The following SOX5 variants were observed in gnomAD, a reference collection of about 807,000 sequenced individuals.
SOX5 encodes the protein transcription factor SOX-5.
Under a neutral mutation model 92.0 loss-of-function variants are expected in SOX5, and 9 were observed. The observed-to-expected ratio is 0.10, with a 90% CI of 0.06 to 0.17. The LOEUF (loss-of-function observed/expected upper bound fraction) is 0.17, where lower values mean the gene tolerates loss of function less well. Ranked by LOEUF, SOX5 falls within the 10% of genes least tolerant of loss-of-function variation. The pLI is 1.00. For missense variants in SOX5, 642 were observed against 944.5 expected (o/e 0.68, Z 4.20); for synonymous variants, 344 against 336.3 (o/e 1.02, Z -0.25).
chr12:24,323,368 T>G (rs547853285), intron 2 of SOX5, among the ~76,000 whole-genome samples: 2 of 151,508 alleles, frequency 1.3e-5, no homozygotes, highest in East Asian at 3.9e-4. Context: ...TAATTAGTGA[T>G]AGACTAGTGT....
intron 3 of SOX5, among the ~76,000 whole-genome samples, chr12:23,756,697 A>C (rs1373314603): frequency 6.6e-6 from 1 of 151,928 alleles, no homozygotes; most frequent in East Asian, 1.9e-4. Flanking sequence ...CACACTTATT[A>C]TATAGATCAA....
rs1953528593 is a variant in SOX5 at position 24,554,279 on chromosome 12, A to T, written c.-251+8050T>A. ...GGATGAGCCAGCAACTATGGAAGGT[A>T]TAAACCTGCCACAATGGAGGATTAA... On this transcript the variant is annotated intron_variant, in intron 1 of 4. Coordinates refer to the SOX5 transcript ENST00000446891. Among the ~76,000 whole-genome samples, 4 of 152,228 alleles carry T rather than the reference A, an allele frequency of 2.6e-5. No homozygotes were observed. The South Asian group carries it at 8.3e-4, about 32-fold the overall frequency.
chr12:24,443,105 C>A (rs1481994567), intron 1 of SOX5, among the ~76,000 whole-genome samples: 2 of 152,002 alleles, frequency 1.3e-5, no homozygotes. Flanking sequence ...GCGCACACTG[C>A]AACATCTGGC....
At position 23,753,928 on chromosome 12, in the gene SOX5, A is replaced by T. The variant is rs116131736; in HGVS notation, c.568+1710T>A. 9.0e-3 allele frequency among the ~76,000 whole-genome samples: 1,367 copies of T among 151,946 alleles called. 21 individuals are homozygous for T. The highest frequency in any genetic ancestry group is 0.031 in the African/African-American group (1,274 of 41,496). On this transcript the variant is annotated intron_variant, in intron 4 of 14. Coordinates refer to ENST00000451604, the MANE Select transcript of SOX5 (RefSeq NM_006940.6). Reference sequence around the variant, plus strand: ...AGGTTTACTGCCAAACCTGAGTTGAACACCTAATAACCATGCCCTGAACAG... The same window carrying T: ...AGGTTTACTGCCAAACCTGAGTTGATCACCTAATAACCATGCCCTGAACAG...
At chr12:24,109,832 G>A (rs182572859) in intron 4 of SOX5, among the ~76,000 whole-genome samples, 12 of 152,108 alleles carry the variant, frequency 7.9e-5, no homozygotes, top group Non-Finnish European at 1.6e-4. Flanking sequence ...TCCACATTTG[G>A]AAACTAAGCC....
intron 1 of SOX5, among the ~76,000 whole-genome samples, chr12:24,397,040 T>C (rs1167191267): frequency 6.6e-6 from 1 of 152,226 alleles, no homozygotes; most frequent in East Asian, 1.9e-4. Flanking sequence ...GTTAGTACTT[T>C]GCCACCTTCC....
At chr12:23,673,916 T>C (rs1366770322) in intron 6 of SOX5, among the ~76,000 whole-genome samples, 1 of 152,036 alleles carries the variant, frequency 6.6e-6, no homozygotes, top group Non-Finnish European at 1.5e-5. Flanking sequence ...TTATGGCATC[T>C]GAATTACATC....
chr12:24,419,479 G>A (rs1272850056), intron 1 of SOX5, among the ~76,000 whole-genome samples: 3 of 152,126 alleles, frequency 2.0e-5, no homozygotes, highest in Admixed American at 6.6e-5. Context: ...TTAGTGAAAA[G>A]AGTTCCTGAG....
intron 4 of SOX5, among the ~76,000 whole-genome samples, chr12:23,993,467 T>C (rs559971798): frequency 6.6e-6 from 1 of 152,254 alleles, no homozygotes; most frequent in South Asian, 2.1e-4. Context: ...AAGTCAATGC[T>C]GTAAAAGGAG....
intron 2 of SOX5, among the ~76,000 whole-genome samples, chr12:24,289,613 C>T (rs1204367037): frequency 1.4e-5 from 2 of 143,792 alleles, no homozygotes; most frequent in Non-Finnish European, 3.0e-5. Context: ...GCCACTACGC[C>T]CGGCTAATTT....
intron 1 of SOX5, among the ~76,000 whole-genome samples, chr12:24,387,211 A>G (rs1958506617): frequency 6.6e-6 from 1 of 152,192 alleles, no homozygotes; most frequent in African/African-American, 2.4e-5. Context: ...CTCCATTAAC[A>G]TGGTCATTTG....
At chr12:24,525,698 C>A (rs1378602837) in intron 1 of SOX5, among the ~76,000 whole-genome samples, 1 of 151,866 alleles carries the variant, frequency 6.6e-6, no homozygotes, top group African/African-American at 2.4e-5. Context: ...AGTGAAACCC[C>A]GTCTCTACTA....
chr12:23,624,105 T>C (rs1027929251), intron 8 of SOX5, among the ~76,000 whole-genome samples: 2 of 152,156 alleles, frequency 1.3e-5, no homozygotes, highest in African/African-American at 2.4e-5. Flanking sequence ...AAATACTGTA[T>C]GATTAAGTAA....
At chr12:23,906,171 T>G (rs375875083) in intron 1 of SOX5, among the ~76,000 whole-genome samples, 1 of 152,212 alleles carries the variant, frequency 6.6e-6, no homozygotes, top group Admixed American at 6.5e-5. Flanking sequence ...CATTTGTCAT[T>G]AATCGCAAAC....
At chr12:24,468,799 T>C (rs1172327103) in intron 1 of SOX5, among the ~76,000 whole-genome samples, 1 of 152,184 alleles carries the variant, frequency 6.6e-6, no homozygotes, top group Non-Finnish European at 1.5e-5. Flanking sequence ...TCTAATGATG[T>C]TTTTTAAAAA....
intron 1 of SOX5, among the ~76,000 whole-genome samples, chr12:24,429,621 C>CACAT (rs940710442): frequency 6.7e-6 from 1 of 148,762 alleles, no homozygotes; most frequent in African/African-American, 2.5e-5. Flanking sequence ...TACACACACA[C>CACAT]ACATACACAC....
intron 1 of SOX5, among the ~76,000 whole-genome samples, chr12:24,402,688 T>G (rs7969065): frequency 0.17 from 26,013 of 152,074 alleles, 2,259 homozygotes; most frequent in East Asian, 0.2. Context: ...ATAACAGAGG[T>G]GTAGCAGTAT....
At chr12:23,691,200 G>A (rs542740034) in intron 6 of SOX5, among the ~76,000 whole-genome samples, 1 of 152,264 alleles carries the variant, frequency 6.6e-6, no homozygotes, top group Non-Finnish European at 1.5e-5. Flanking sequence ...ACTATGTGAG[G>A]GAGAATATGG....
intron 4 of SOX5, among the ~76,000 whole-genome samples, chr12:24,164,497 C>A (rs1293472795): frequency 1.3e-5 from 2 of 151,952 alleles, no homozygotes; most frequent in Non-Finnish European, 2.9e-5. Context: ...TAACTGTATG[C>A]CCTGTGAAAT....
Sources: allele counts gnomAD v4.1 joint callset (sites outside exome capture counted in the v4.1 genomes callset), GRCh38; gene constraint gnomAD v4.1.1; transcripts MANE v1.5; gene names NCBI Gene and HGNC (gene_info 2026-07-23, HGNC 2026-07-21).